ADAM12: variants seen among roughly 807,000 people sequenced by gnomAD.
ADAM12 encodes ADAM metallopeptidase domain 12, also known as disintegrin and metalloproteinase domain-containing protein 12.
Under a neutral mutation model 106.4 loss-of-function variants are expected in ADAM12, and 70 were observed. That is an observed-to-expected ratio of 0.66 (90% CI 0.54 to 0.80). The LOEUF (loss-of-function observed/expected upper bound fraction) is 0.80. Among genes scored for constraint, ADAM12 ranks in the 30% least tolerant of loss-of-function variants. The pLI is 0.00. For synonymous variants in ADAM12, 420 were observed against 433.5 expected, an observed-to-expected ratio of 0.97 and a Z score of 0.39; for missense variants, 1,010 against 1,171.9, an observed-to-expected ratio of 0.86 and a Z score of 2.02.
At chr10:126,097,531 G>A (rs1229245172) in intron 10 of ADAM12, among the ~76,000 whole-genome samples, 1 of 152,204 alleles carries the variant, frequency 6.6e-6, no homozygotes, top group African/African-American at 2.4e-5. Flanking sequence ...CTTCCACTAT[G>A]TAATACAACT....
At chr10:126,264,368 CTCTT>C (rs1959058659) in intron 3 of ADAM12, among the ~76,000 whole-genome samples, 1 of 152,162 alleles carries the variant, frequency 6.6e-6, no homozygotes, top group African/African-American at 2.4e-5. Context: ...GTGAAAATAA[CTCTT>C]TCTAAATAAA....
intron 18 of ADAM12, 72 bp downstream of exon 18, chr10:126,042,968 C>CAT: frequency 6.9e-7 from 1 of 1,448,672 alleles, no homozygotes; most frequent in South Asian, 1.2e-5. Context: ...TGCACCCATG[C>CAT]TGACAGCTGG....
intron 3 of ADAM12, among the ~76,000 whole-genome samples, chr10:126,189,737 A>T (rs1391507781): frequency 1.3e-5 from 2 of 152,056 alleles, no homozygotes; most frequent in Admixed American, 6.6e-5. Context: ...TGTGGAGCCC[A>T]TGCTTTAAGC....
intron 21 of ADAM12, among the ~76,000 whole-genome samples, chr10:126,028,307 A>G (rs1015568191): frequency 1.3e-5 from 2 of 152,210 alleles, no homozygotes; most frequent in African/African-American, 2.4e-5. Flanking sequence ...TCACCAAATT[A>G]GAAAAAACTA....
chr10:126,369,813 T>G (rs1342358918), intron 1 of ADAM12, among the ~76,000 whole-genome samples: 2 of 152,172 alleles, frequency 1.3e-5, no homozygotes, highest in Non-Finnish European at 2.9e-5. Flanking sequence ...CCTCCTGGTA[T>G]TCACTCTCAT....
At chr10:126,301,835 T>TAC (rs932732219) in intron 2 of ADAM12, among the ~76,000 whole-genome samples, 15 of 152,212 alleles carry the variant, frequency 9.9e-5, no homozygotes, top group African/African-American at 3.4e-4. Flanking sequence ...TACATACTCT[T>TAC]ACATCCTCCC....
intron 11 of ADAM12, among the ~76,000 whole-genome samples, chr10:126,076,488 G>C (rs548022655): frequency 1.3e-5 from 2 of 152,172 alleles, no homozygotes; most frequent in African/African-American, 4.8e-5. Context: ...TCGAGAAACT[G>C]CCAAACTGCT....
intron 2 of ADAM12, among the ~76,000 whole-genome samples, chr10:126,314,363 G>C (rs750013014): frequency 6.6e-6 from 1 of 152,184 alleles, no homozygotes; most frequent in Non-Finnish European, 1.5e-5. Flanking sequence ...TGTGAGGGGG[G>C]TGCTCCAAAG....
At chr10:126,199,182 T>C (rs1957651890) in intron 3 of ADAM12, among the ~76,000 whole-genome samples, 6 of 152,144 alleles carry the variant, frequency 3.9e-5, no homozygotes, top group Admixed American at 3.9e-4. Flanking sequence ...AATGAAGGTT[T>C]CGTTTGGGGC....
chr10:126,326,492 A>G (rs780019733), intron 2 of ADAM12, among the ~76,000 whole-genome samples: 1 of 152,172 alleles, frequency 6.6e-6, no homozygotes, highest in African/African-American at 2.4e-5. Context: ...GGCAAGTCCA[A>G]CAAACTTTCC....
At chr10:126,323,159 C>T (rs1192028719) in intron 2 of ADAM12, among the ~76,000 whole-genome samples, 3 of 152,186 alleles carry the variant, frequency 2.0e-5, no homozygotes, top group Non-Finnish European at 4.4e-5. Flanking sequence ...AGAGGAAACA[C>T]CATTGGCTGG....
At chr10:126,369,324 A>C (rs1167534982) in intron 1 of ADAM12, among the ~76,000 whole-genome samples, 1 of 152,230 alleles carries the variant, frequency 6.6e-6, no homozygotes, top group African/African-American at 2.4e-5. Context: ...ACAGAGAATA[A>C]GATGGATGTG....
intron 8 of ADAM12, among the ~76,000 whole-genome samples, chr10:126,108,166 C>T (rs930083590): frequency 6.6e-6 from 1 of 152,202 alleles, no homozygotes; most frequent in Admixed American, 6.5e-5. Context: ...TGCAAGCCCA[C>T]CCTCAGGGTT....
chr10:126,353,848 C>T (rs1199886045), intron 1 of ADAM12, among the ~76,000 whole-genome samples: 1 of 152,186 alleles, frequency 6.6e-6, no homozygotes, highest in African/African-American at 2.4e-5. Flanking sequence ...CATCTGTAGG[C>T]TTCCAGCTGC....
intron 3 of ADAM12, among the ~76,000 whole-genome samples, chr10:126,233,776 G>A (rs1268751759): frequency 6.6e-6 from 1 of 152,218 alleles, no homozygotes; most frequent in Admixed American, 6.5e-5. Context: ...AGTCCCACCT[G>A]AATTGGAAAT....
At chr10:126,299,613 T>C (rs1960529436) in intron 2 of ADAM12, among the ~76,000 whole-genome samples, 1 of 152,208 alleles carries the variant, frequency 6.6e-6, no homozygotes, top group Non-Finnish European at 1.5e-5. Flanking sequence ...TTACCCATGT[T>C]ACTGTCTAAT....
rs962958111 is a variant in ADAM12 at position 126,312,640 on chromosome 10, G to A, written c.186+17772C>T. Among the ~76,000 whole-genome samples, 18 of 152,254 alleles carry A rather than the reference G, an allele frequency of 1.2e-4. No homozygotes were observed. In the South Asian group the frequency reaches 1.7e-3, roughly 14 times the overall value. Reference sequence around the variant, plus strand: ...AATAGGCAGAAGTCTCTCTGAATTCGTTGTAATTAAACCTAAACACTAAGC... The same window carrying A: ...AATAGGCAGAAGTCTCTCTGAATTCATTGTAATTAAACCTAAACACTAAGC... On this transcript the variant is annotated intron_variant, in intron 2 of 22. Transcript: ENST00000448723.
chr10:126,384,599 A>G (rs1856596519), intron 1 of ADAM12, among the ~76,000 whole-genome samples: 1 of 152,196 alleles, frequency 6.6e-6, no homozygotes, highest in Non-Finnish European at 1.5e-5. Context: ...CAGGAAAAAA[A>G]AAATCATGGC....
intron 3 of ADAM12, among the ~76,000 whole-genome samples, chr10:126,191,575 G>A (rs1435066716): frequency 6.6e-6 from 1 of 151,880 alleles, no homozygotes; most frequent in Non-Finnish European, 1.5e-5. Flanking sequence ...GATTCCTAAT[G>A]TTCTGGTTTG....
Sources: allele counts gnomAD v4.1 joint callset (sites outside exome capture counted in the v4.1 genomes callset), GRCh38; gene constraint gnomAD v4.1.1; transcripts MANE v1.5; gene names NCBI Gene and HGNC (gene_info 2026-07-23, HGNC 2026-07-21).